Variants in CCPG1 observed in about 807,000 individuals in gnomAD.
CCPG1 encodes the protein cell cycle progression protein 1.
Under a neutral mutation model 81.3 loss-of-function variants are expected in CCPG1, and 46 were observed. The ratio of observed to expected loss-of-function variants is 0.57; its 90% confidence interval spans 0.45 to 0.72. CCPG1 has a LOEUF of 0.72. Ranked by LOEUF, CCPG1 falls within the 30% of genes least tolerant of loss-of-function variation. CCPG1 has a pLI of 0.00. For missense variants in CCPG1, 902 were observed against 937.6 expected, an observed-to-expected ratio of 0.96 and a Z score of 0.50; for synonymous variants, 330 against 305.2, an observed-to-expected ratio of 1.08 and a Z score of -0.85.
At chr15:55,388,822 G>A (rs1415507802) in intron 2 of CCPG1, among the ~76,000 whole-genome samples, 2 of 150,780 alleles carry the variant, frequency 1.3e-5, no homozygotes, top group African/African-American at 2.4e-5. Context: ...TGTAAGCCCA[G>A]CATGTTGGGA....
chr15:55,402,537 C>G (rs985587384), intron 1 of CCPG1, among the ~76,000 whole-genome samples: 1 of 152,078 alleles, frequency 6.6e-6, no homozygotes. Flanking sequence ...CCAATATGTA[C>G]TTGTTTCTAA....
chr15:55,388,884 G>C (rs1229361370), intron 2 of CCPG1, among the ~76,000 whole-genome samples: 1 of 151,752 alleles, frequency 6.6e-6, no homozygotes, highest in Non-Finnish European at 1.5e-5. Flanking sequence ...GCCTGGCCAA[G>C]ATGGTGAAAC....
At chr15:55,397,925 C>A (rs1015942953) in intron 1 of CCPG1, among the ~76,000 whole-genome samples, 1 of 151,394 alleles carries the variant, frequency 6.6e-6, no homozygotes, top group Admixed American at 6.6e-5. Flanking sequence ...TGCAGTGAGC[C>A]GAGACTATGC....
At chr15:55,358,123 C>T (rs1725147643) in intron 8 of CCPG1, 1 of 152,994 alleles carries the variant, frequency 6.5e-6, no homozygotes, top group Non-Finnish European at 1.5e-5. Flanking sequence ...GTGATGCTGG[C>T]ATTTGGATAT....
chr15:55,381,005 T>C (rs1338926123), intron 3 of CCPG1, among the ~76,000 whole-genome samples: 2 of 151,206 alleles, frequency 1.3e-5, no homozygotes, highest in African/African-American at 2.4e-5. Flanking sequence ...AGCGTGGTGG[T>C]GGGCACCTGT....
At chr15:55,371,762 G>A (rs2056454446) in intron 6 of CCPG1, 31 bp downstream of exon 6, 2 of 1,602,806 alleles carry the variant, frequency 1.2e-6, no homozygotes, top group Non-Finnish European at 1.7e-6. Context: ...TATCCCATCA[G>A]GTTATGTATA....
At chr15:55,358,884 C>T in intron 8 of CCPG1, 1 of 965,728 alleles carries the variant, frequency 1.0e-6, no homozygotes, top group Non-Finnish European at 1.2e-6. Context: ...TTAAGTATTT[C>T]AAAGGTAAAA....
chr15:55,380,574 C>A (rs1365438592), intron 3 of CCPG1, among the ~76,000 whole-genome samples: 1 of 151,810 alleles, frequency 6.6e-6, no homozygotes, highest in Admixed American at 6.6e-5. Context: ...GGATTATAGG[C>A]ATGAGCTACC....
intron 2 of CCPG1, among the ~76,000 whole-genome samples, chr15:55,387,606 A>T (rs1016036475): frequency 6.6e-6 from 1 of 151,404 alleles, no homozygotes; most frequent in Non-Finnish European, 1.5e-5. Context: ...GTGCAATGGC[A>T]CGAACTCTGC....
In CCPG1 at chr15:55,385,658, G is replaced by GGCC. The variant is rs1195850213; in HGVS notation, c.116_117insGGC (p.Ala39dup). ...CTTGCTCTAAAGATGAACATTCTGG[G>GGCC]GCGGGCTCACAGCTGTCAGTGGGGG... On this transcript the variant is annotated inframe_insertion, in exon 3 of 9. Transcript: ENST00000442196. 10 of 1,612,520 alleles carry GGCC rather than the reference G, an allele frequency of 6.2e-6. No homozygotes were observed. Among genetic ancestry groups the GGCC allele is most frequent in the Non-Finnish European group, 7.6e-6 (9 of 1,179,024 alleles).
chr15:55,384,201 G>A (rs1158315517), intron 3 of CCPG1, among the ~76,000 whole-genome samples: 1 of 152,092 alleles, frequency 6.6e-6, no homozygotes, highest in African/African-American at 2.4e-5. Flanking sequence ...AGAGAGATGG[G>A]GGAATGGCAA....
chr15:55,401,091 T>G (rs1043488283), intron 1 of CCPG1, among the ~76,000 whole-genome samples: 1 of 152,244 alleles, frequency 6.6e-6, no homozygotes, highest in African/African-American at 2.4e-5. Flanking sequence ...CCACAGTTTT[T>G]GGCTTTTACA....
chr15:55,377,534 A>G (rs928245172), intron 4 of CCPG1, among the ~76,000 whole-genome samples: 3 of 152,232 alleles, frequency 2.0e-5, no homozygotes, highest in Non-Finnish European at 4.4e-5. Flanking sequence ...TTATGTACGT[A>G]ATAAACTTCA....
intron 1 of CCPG1, among the ~76,000 whole-genome samples, chr15:55,392,603 C>T (rs2056943465): frequency 6.6e-6 from 1 of 152,016 alleles, no homozygotes; most frequent in South Asian, 2.1e-4. Context: ...TCATTGCAGC[C>T]TTGACCTCCC....
intron 1 of CCPG1, among the ~76,000 whole-genome samples, chr15:55,395,728 C>T (rs2057004034): frequency 6.6e-6 from 1 of 152,052 alleles, no homozygotes; most frequent in Admixed American, 6.6e-5. Flanking sequence ...GAATATTGTG[C>T]TGTAATTGCT....
At chr15:55,369,904 TTAAGA>T (rs780066677) in intron 6 of CCPG1, among the ~76,000 whole-genome samples, 32 of 152,296 alleles carry the variant, frequency 2.1e-4, no homozygotes, top group Admixed American at 4.6e-4. Context: ...GAAAAAAAGA[TTAAGA>T]TAAGATCTTC....
At position 55,376,938 on chromosome 15, in the gene CCPG1, T is replaced by C. The variant is rs2289324; in HGVS notation, c.454+11A>G. On this transcript the variant is annotated intron_variant, in intron 5 of 8. Coordinates refer to ENST00000442196, the MANE Select transcript of CCPG1 (RefSeq NM_001204450.2). Reference sequence around the variant, plus strand: ...TACATGTCTTTAAGTCTCTTATCAGTGTATTCTTACCAGTTTCTGGCTGAC... The same window carrying C: ...TACATGTCTTTAAGTCTCTTATCAGCGTATTCTTACCAGTTTCTGGCTGAC... 1.3e-6 allele frequency: 2 copies of C among 1,597,272 alleles called. No individual in the cohort carries two copies. Among genetic ancestry groups the C allele is most frequent in the Non-Finnish European group, 1.7e-6 (2 of 1,166,858 alleles).
intron 5 of CCPG1, chr15:55,372,776 TA>T (rs531080760): frequency 3.2e-6 from 1 of 310,450 alleles, no homozygotes; most frequent in Non-Finnish European, 6.6e-6. Context: ...TGCAACTATT[TA>T]AGGAACACAG....
chr15:55,406,721 C>T (rs1208649720), intron 1 of CCPG1, among the ~76,000 whole-genome samples: 1 of 151,912 alleles, frequency 6.6e-6, no homozygotes, highest in Non-Finnish European at 1.5e-5. Context: ...AAGCCTGAGC[C>T]ACCGCTCTGG....
Sources: allele counts gnomAD v4.1 joint callset (sites outside exome capture counted in the v4.1 genomes callset), GRCh38; gene constraint gnomAD v4.1.1; transcripts MANE v1.5; gene names NCBI Gene and HGNC (gene_info 2026-07-23, HGNC 2026-07-21).